ATP8B1: variants seen among roughly 807,000 people sequenced by gnomAD.
ATP8B1 encodes phospholipid-transporting ATPase IC.
In ATP8B1, 80 loss-of-function variants were observed where a neutral mutation model predicts 149.9. The observed-to-expected ratio is 0.53, with a 90% CI of 0.45 to 0.64. The LOEUF is 0.64. Among genes scored for constraint, ATP8B1 ranks in the 30% least tolerant of loss-of-function variants. ATP8B1 has a pLI of 0.00. For synonymous variants in ATP8B1, 536 were observed against 562.8 expected (o/e 0.95, Z 0.67); for missense variants, 1,247 against 1,552.6 (o/e 0.80, Z 3.31).
rs1277868767 is a variant in ATP8B1, at chr18:57,663,965, C to A, written c.2286-1350G>T. Among the ~76,000 whole-genome samples, 3 of 151,280 alleles carry A rather than the reference C, an allele frequency of 2.0e-5. 1 individual carries two copies. The highest frequency in any genetic ancestry group is 7.3e-5 in the African/African-American group (3 of 41,140). On this transcript the variant is annotated intron_variant, in intron 20 of 27. Transcript: ENST00000648908. ...TATTTTTAGTAGAGACAGGGTTTCACCATGTTGGCCAGGATGGTCTCAATC... is the reference window on the plus strand; with the variant it reads ...TATTTTTAGTAGAGACAGGGTTTCAACATGTTGGCCAGGATGGTCTCAATC...
chr18:57,765,485 T>C (rs1244177608), intron 1 of ATP8B1, among the ~76,000 whole-genome samples: 1 of 152,072 alleles, frequency 6.6e-6, no homozygotes, highest in African/African-American at 2.4e-5. Context: ...CTGGTCAATA[T>C]GGTGAAACCG....
At position 57,802,293 on chromosome 18, in the gene ATP8B1, G is replaced by A. The variant is rs896796759; in HGVS notation, c.-26+705C>T. On this transcript the variant is annotated intron_variant, in intron 1 of 27. Transcript: ENST00000648908. The surrounding 1 kb of genome is among the most constrained non-coding windows in gnomAD (Gnocchi z 4.9). ...AGGTGACAGCGCAGGGCACCAAACT[G>A]CTGAGGGAAGGAGATGCCTGCAGCC... Among the ~76,000 whole-genome samples the A allele has an allele frequency of 1.3e-5, 2 of 152,190 alleles. No homozygotes were observed. The highest frequency in any genetic ancestry group is 2.9e-5 in the Non-Finnish European group (2 of 68,026).
intron 1 of ATP8B1, among the ~76,000 whole-genome samples, chr18:57,757,969 G>A (rs531920374): frequency 9.2e-5 from 14 of 151,954 alleles, no homozygotes; most frequent in Admixed American, 6.6e-4. Flanking sequence ...CTCAGTTTTA[G>A]GATTTCCCCT....
chr18:57,733,705 C>CAAA (rs141146206), intron 1 of ATP8B1, among the ~76,000 whole-genome samples: 3 of 95,160 alleles, frequency 3.2e-5, no homozygotes, highest in African/African-American at 4.0e-5. Flanking sequence ...GACTCCATCT[C>CAAA]AAAAAAAAAA....
At chr18:57,688,224 C>T in intron 13 of ATP8B1, 75 bp downstream of exon 13, 2 of 1,480,628 alleles carry the variant, frequency 1.4e-6, no homozygotes, top group Non-Finnish European at 1.9e-6. Flanking sequence ...AGGAGACAGG[C>T]TATAGTCCAA....
At position 57,648,281 on chromosome 18, in the gene ATP8B1, C is replaced by T. The variant is rs762805430; in HGVS notation, c.*207G>A. ...GATTACAGACCTGAGCCACCACGCC[C>T]GGCCGAATAATAGGACTTTTAAAAG... On this transcript the variant is annotated 3_prime_UTR_variant, in exon 28 of 28. Coordinates refer to ENST00000648908, the MANE Select transcript of ATP8B1 (RefSeq NM_001374385.1). The T allele has an allele frequency of 4.4e-6, 3 of 688,922 alleles. No individual in the cohort carries two copies. Among genetic ancestry groups the T allele is most frequent in the African/African-American group, 3.5e-5 (2 of 56,356 alleles). 42.7% of individuals were successfully genotyped at this position (688,922 alleles called of 1,614,324 possible).
chr18:57,694,550 A>T (rs1335334683), intron 11 of ATP8B1, 32 bp downstream of exon 11: 1 of 1,362,786 alleles, frequency 7.3e-7, no homozygotes, highest in African/African-American at 1.4e-5. Flanking sequence ...AGCAATCTAG[A>T]TGAGAGATCT....
chr18:57,683,378 T>C (rs142764342), intron 15 of ATP8B1, among the ~76,000 whole-genome samples: 280 of 152,372 alleles, frequency 1.8e-3, no homozygotes, highest in African/African-American at 6.3e-3. Flanking sequence ...TTTATCATTA[T>C]GTCCATTTGT....
chr18:57,777,889 C>G (rs374050285), intron 1 of ATP8B1, among the ~76,000 whole-genome samples: 6 of 152,272 alleles, frequency 3.9e-5, no homozygotes, highest in African/African-American at 1.4e-4. Flanking sequence ...ACTTAATACC[C>G]TTTTGTACCT....
chr18:57,756,468 T>C (rs989576644), intron 1 of ATP8B1, among the ~76,000 whole-genome samples: 4 of 151,388 alleles, frequency 2.6e-5, no homozygotes, highest in Admixed American at 2.6e-4. Flanking sequence ...GCCCAGCTAA[T>C]TTTTATATTT....
In ATP8B1 at chr18:57,655,411, T is replaced by C; in HGVS notation, c.2714A>G (p.His905Arg). 6.2e-7 allele frequency: 1 copy of C among 1,613,930 alleles called. No homozygotes were observed. The highest frequency in any genetic ancestry group is 1.1e-5 in the South Asian group (1 of 91,078). The change falls in exon 23 of 28, where the codon CAC becomes CGC. Residue 905 changes from histidine (H) to arginine (R), a missense_variant. Around this residue, in one of 3 missense-constraint regions of ATP8B1, gnomAD observed 230 missense variants for 356.6 expected, o/e 0.65. Coordinates refer to ENST00000648908, the MANE Select transcript of ATP8B1 (RefSeq NM_001374385.1). ...TTGTCCACTTATTCCAACGCCAATGTGGGCAGCTATGGGGCAGAGGGAGAA... is the reference window on the plus strand; with the variant it reads ...TTGTCCACTTATTCCAACGCCAATGCGGGCAGCTATGGGGCAGAGGGAGAA... ...ANDVNMIKTAHIGVGISGQEG... is the reference protein window; with the variant it reads ...ANDVNMIKTARIGVGISGQEG...
Position 57,655,252 on chromosome 18 carries a change from T to C in ATP8B1, c.2873A>G (p.Asn958Ser), listed in dbSNP as rs954752015. ...GAAATGAACCAAAGTAAAGGCAAAG[T>C]TTTTGTAAAAGAAGTATCGTAGGAA... ...CKFLRYFFYK[N>S]FAFTLVHFWY... is the part of the protein sequence containing the mutation. The change falls in exon 23 of 28, where the codon AAC (asparagine) becomes AGC (serine). Residue 958 changes from asparagine (N) to serine (S), a missense_variant. Physicochemically the swap from Asn to Ser is conservative, Grantham distance 46. Transcript: ENST00000648908. The C allele has an allele frequency of 6.2e-7, 1 of 1,614,146 alleles. No individual in the cohort carries two copies.
At chr18:57,744,053 A>G (rs189115763) in intron 1 of ATP8B1, among the ~76,000 whole-genome samples, 1 of 152,158 alleles carries the variant, frequency 6.6e-6, no homozygotes, top group Non-Finnish European at 1.5e-5. Context: ...GGTGGCTCAC[A>G]CCTGTAATCC....
At chr18:57,675,950 G>A (rs1445212272) in intron 15 of ATP8B1, among the ~76,000 whole-genome samples, 2 of 151,772 alleles carry the variant, frequency 1.3e-5, no homozygotes, top group Non-Finnish European at 2.9e-5. Context: ...CAAGTGATTC[G>A]CCTGCCTCAG....
intron 1 of ATP8B1, among the ~76,000 whole-genome samples, chr18:57,786,923 TATTGAA>T (rs1261070806): frequency 2.0e-5 from 3 of 152,178 alleles, no homozygotes; most frequent in African/African-American, 7.2e-5. Flanking sequence ...TAGTAAGGGG[TATTGAA>T]ATACAGCAGA....
chr18:57,771,473 T>C (rs376265830), intron 1 of ATP8B1, among the ~76,000 whole-genome samples: 2 of 152,202 alleles, frequency 1.3e-5, no homozygotes, highest in East Asian at 3.8e-4. Context: ...TTCTTTATAA[T>C]TACGAAATGG....
chr18:57,710,421 C>T (rs1913632012), intron 2 of ATP8B1, among the ~76,000 whole-genome samples: 1 of 152,120 alleles, frequency 6.6e-6, no homozygotes, highest in South Asian at 2.1e-4. Context: ...GTCCTTTGAT[C>T]AGTGCCATCT....
chr18:57,794,463 TA>T (rs58976028), intron 1 of ATP8B1, among the ~76,000 whole-genome samples: 24,349 of 110,234 alleles, frequency 0.22, 2,970 homozygotes, highest in African/African-American at 0.37. Flanking sequence ...AACCTGACAT[TA>T]AAAAAAAAAA....
rs375040598 is a variant in ATP8B1 at position 57,671,555 on chromosome 18, C to T, written c.1845G>A (p.Lys615=). ...CAGTGTCAGCACCTTTACAGTAAAG[C>T]TTGATATTGCCTTCTGGGGTTCTTA... ...IIVRTPEGNI[K]LYCKGADTVI... Residue 615 remains lysine, a synonymous_variant, in exon 17 of 28, where the codon AAG becomes AAA. Transcript: ENST00000648908. 1.1e-5 allele frequency: 18 copies of T among 1,613,748 alleles called. No individual in the cohort carries two copies. Among genetic ancestry groups the T allele is most frequent in the Non-Finnish European group, 1.4e-5 (16 of 1,179,812 alleles).
Sources: allele counts gnomAD v4.1 joint callset (sites outside exome capture counted in the v4.1 genomes callset), GRCh38; gene constraint gnomAD v4.1.1; regional missense constraint gnomAD v4.1.1; non-coding constraint Gnocchi (gnomAD v3.1); transcripts MANE v1.5; gene names NCBI Gene and HGNC (gene_info 2026-07-23, HGNC 2026-07-21).